ITPR1: variants seen among roughly 807,000 people sequenced by gnomAD.
ITPR1 encodes the protein inositol 1,4,5-trisphosphate receptor type 1.
Under a neutral mutation model 318.4 loss-of-function variants are expected in ITPR1, and 96 were observed. The observed-to-expected ratio is 0.30, with a 90% confidence interval of 0.26 to 0.36. The LOEUF (loss-of-function observed/expected upper bound fraction) is 0.36, where lower values mean the gene tolerates loss of function less well. ITPR1 is among the 10% of genes least tolerant of loss of function. The pLI is 1.00. For synonymous variants in ITPR1, 1,312 were observed against 1,289.9 expected, an observed-to-expected ratio of 1.02 and a Z score of -0.37; for missense variants, 2,440 against 3,460.2, an observed-to-expected ratio of 0.71 and a Z score of 7.40.
intron 37 of ITPR1, among the ~76,000 whole-genome samples, chr3:4,707,861 C>G (rs6774387): frequency 6.6e-6 from 1 of 152,006 alleles, no homozygotes; most frequent in East Asian, 1.9e-4. Context: ...CAGATGAATT[C>G]GTTAAATCAT....
chr3:4,541,005 T>C (rs2124974987), intron 4 of ITPR1, among the ~76,000 whole-genome samples: 1 of 152,320 alleles, frequency 6.6e-6, no homozygotes, highest in Middle Eastern at 3.4e-3. Flanking sequence ...ACGTGCATAT[T>C]TAATTAACCC....
chr3:4,676,356 A>G (rs757660006), intron 23 of ITPR1, among the ~76,000 whole-genome samples: 3 of 151,864 alleles, frequency 2.0e-5, no homozygotes, highest in East Asian at 1.9e-4. Context: ...AAAGAAAATT[A>G]AAAAAAATAA....
At chr3:4,780,964 C>G (rs573986594) in intron 49 of ITPR1, among the ~76,000 whole-genome samples, 18 of 152,330 alleles carry the variant, frequency 1.2e-4, no homozygotes, top group Non-Finnish European at 2.2e-4. Context: ...ATCATTCTGG[C>G]TCATAGGAGG....
In ITPR1 at chr3:4,521,898, A is replaced by T. The variant is rs911186142; in HGVS notation, c.163+804A>T. ...AACAAAAACAAAAACAAAAACAAAA[A>T]CAAGACATAGGCAGGGCAGCTTTTC... is the stretch of plus-strand genomic sequence containing the variant. On this transcript the variant is annotated intron_variant, in intron 4 of 61. Transcript: ENST00000649015. Among the ~76,000 whole-genome samples, 10 of 149,462 alleles carry T rather than the reference A, an allele frequency of 6.7e-5. 1 individual carries two copies. The highest frequency in any genetic ancestry group is 6.6e-5 in the Admixed American group (1 of 15,106).
rs76231210 is a variant in ITPR1, at chr3:4,792,031, G to C, written c.6809-3034G>C. On this transcript the variant is annotated intron_variant, in intron 52 of 61. Coordinates refer to ENST00000649015, the MANE Select transcript of ITPR1 (RefSeq NM_001378452.1). The stretch of plus-strand genomic sequence containing the variant: ...TTGATAGGGCTGTGTTCCTTCTGAA[G>C]GCCATATCCTTTTCCAGCTGCTAGA... Among the ~76,000 whole-genome samples, 3 of 152,294 alleles carry C rather than the reference G, an allele frequency of 2.0e-5. No individual in the cohort carries two copies. The East Asian group carries it at 5.8e-4, about 29-fold the overall frequency.
At chr3:4,652,331 C>G in intron 11 of ITPR1, 113 bp downstream of exon 11, 2 of 692,026 alleles carry the variant, frequency 2.9e-6, no homozygotes, top group Non-Finnish European at 5.0e-6. Context: ...CACTCAGTCA[C>G]CTTGCTTTTC....
intron 4 of ITPR1, among the ~76,000 whole-genome samples, chr3:4,571,024 C>T (rs2087920247): frequency 6.6e-6 from 1 of 152,180 alleles, no homozygotes; most frequent in Admixed American, 6.5e-5. Flanking sequence ...CCATCTGTCT[C>T]TCATTCTTCA....
chr3:4,589,315 A>C (rs2090187790), intron 4 of ITPR1, among the ~76,000 whole-genome samples: 1 of 152,168 alleles, frequency 6.6e-6, no homozygotes, highest in African/African-American at 2.4e-5. Context: ...GAAAAAACAA[A>C]TGGTGGTTGA....
Position 4,700,808 on chromosome 3 carries a change from G to A in ITPR1, c.4536+867G>A, listed in dbSNP as rs140262345. 3.0e-3 allele frequency among the ~76,000 whole-genome samples: 464 copies of A among 152,280 alleles called. 5 individuals carry two copies. The highest frequency in any genetic ancestry group is 4.4e-3 in the Non-Finnish European group (301 of 68,008). ...AGTGGACTCACAGTTCCATGTGGCT[G>A]GGGAGGCCTCACAGTCATGGTGGAG... On this transcript the variant is annotated intron_variant, in intron 35 of 61. Transcript: ENST00000649015.
At chr3:4,641,179 A>G (rs138455588) in intron 6 of ITPR1, among the ~76,000 whole-genome samples, 44 of 152,228 alleles carry the variant, frequency 2.9e-4, no homozygotes, top group African/African-American at 1.0e-3. Context: ...GCTTTCTCTT[A>G]TAGCCTGTTG....
At chr3:4,581,948 A>ATT (rs35208300) in intron 4 of ITPR1, among the ~76,000 whole-genome samples, 25 of 147,406 alleles carry the variant, frequency 1.7e-4, no homozygotes, top group Admixed American at 6.8e-4. Flanking sequence ...TTTTTTTAGG[A>ATT]TTTTTTTTTT....
intron 1 of ITPR1, among the ~76,000 whole-genome samples, 191 bp from the exon 2 acceptor site, chr3:4,494,240 A>C (rs2080374655): frequency 1.3e-5 from 2 of 152,230 alleles, no homozygotes; most frequent in Non-Finnish European, 2.9e-5. Flanking sequence ...ACATCCTGGA[A>C]ATAAGTAAGC....
At chr3:4,645,337 A>T in intron 8 of ITPR1, 50 bp from the exon 9 acceptor site, 1 of 1,267,968 alleles carries the variant, frequency 7.9e-7, no homozygotes. Flanking sequence ...GCTGGATGAC[A>T]CAGTTGTTGT....
At chr3:4,745,761 G>A (rs1247227748) in intron 44 of ITPR1, among the ~76,000 whole-genome samples, 1 of 152,072 alleles carries the variant, frequency 6.6e-6, no homozygotes, top group Admixed American at 6.5e-5. Flanking sequence ...TCCCTGATGG[G>A]CATCTCCACT....
At chr3:4,831,151 A>ACACACACACACACACT (rs1463536446) in intron 60 of ITPR1, 2 of 383,844 alleles carry the variant, frequency 5.2e-6, no homozygotes, top group African/African-American at 2.1e-5. Flanking sequence ...ACACACACAC[A>ACACACACACACACACT]CACTCACTCC....
chr3:4,805,733 C>T (rs922211291), intron 54 of ITPR1, among the ~76,000 whole-genome samples: 4 of 152,132 alleles, frequency 2.6e-5, no homozygotes, highest in Admixed American at 6.5e-5. Flanking sequence ...TCACAGGGTT[C>T]GTGGATTGAG....
chr3:4,627,332 C>A (rs1057373111), intron 4 of ITPR1, among the ~76,000 whole-genome samples: 1 of 152,114 alleles, frequency 6.6e-6, no homozygotes, highest in African/African-American at 2.4e-5. Context: ...GGCTTGGTGG[C>A]ATGTGCCTGT....
chr3:4,770,248 G>C (rs1170237221), intron 46 of ITPR1, among the ~76,000 whole-genome samples: 1 of 152,198 alleles, frequency 6.6e-6, no homozygotes, highest in Admixed American at 6.5e-5. Flanking sequence ...TAGACAGTTG[G>C]TACTGCCGCA....
intron 60 of ITPR1, among the ~76,000 whole-genome samples, chr3:4,825,014 T>G (rs1359176088): frequency 6.6e-6 from 1 of 152,148 alleles, no homozygotes; most frequent in South Asian, 2.1e-4. Flanking sequence ...AGAAGGACGA[T>G]TCACTACAAC....
Sources: gnomAD v4.1 joint callset for allele counts (sites outside exome capture counted in the v4.1 genomes callset) on GRCh38, gnomAD v4.1.1 for gene constraint, MANE v1.5 for transcripts, NCBI Gene and HGNC (gene_info 2026-07-23, HGNC 2026-07-21) for gene names.